Variants in CSMD1 observed in about 807,000 individuals in gnomAD.
CSMD1 encodes the protein CUB and sushi domain-containing protein 1.
CSMD1 carries 213 observed loss-of-function variants against 417.5 expected under a neutral mutation model. The observed-to-expected ratio is 0.51, with a 90% confidence interval of 0.46 to 0.57. CSMD1 has a LOEUF of 0.57. Among genes scored for constraint, CSMD1 ranks in the 20% least tolerant of loss-of-function variants. The pLI is 0.00. For synonymous variants in CSMD1, 2,862 were observed against 1,736.8 expected (o/e 1.65, Z -16.11); for missense variants, 6,923 against 4,529.7 (o/e 1.53, Z -15.17).
At chr8:3,151,769 G>A (rs895763381) in intron 39 of CSMD1, among the ~76,000 whole-genome samples, 1 of 152,154 alleles carries the variant, frequency 6.6e-6, no homozygotes, top group Non-Finnish European at 1.5e-5. Flanking sequence ...AAGGCTCCCA[G>A]TAAAGATGAG....
chr8:4,493,824 T>A (rs915417988), intron 2 of CSMD1, among the ~76,000 whole-genome samples: 6 of 152,224 alleles, frequency 3.9e-5, no homozygotes, highest in African/African-American at 1.4e-4. Context: ...GAGGACATCA[T>A]TCACAGCAGG....
chr8:4,923,596 C>A (rs1471275682), intron 1 of CSMD1, among the ~76,000 whole-genome samples: 1 of 135,378 alleles, frequency 7.4e-6, no homozygotes, highest in Admixed American at 7.2e-5. Context: ...GTGATAACCT[C>A]ATTGAGTTTA....
intron 2 of CSMD1, among the ~76,000 whole-genome samples, chr8:4,619,216 C>G (rs1263832474): frequency 2.0e-5 from 3 of 152,160 alleles, no homozygotes; most frequent in Non-Finnish European, 2.9e-5. Flanking sequence ...CCCACCACCA[C>G]CACCCCAAAT....
intron 2 of CSMD1, among the ~76,000 whole-genome samples, chr8:4,553,524 A>T (rs1243865175): frequency 3.3e-5 from 5 of 150,460 alleles, no homozygotes; most frequent in Middle Eastern, 3.2e-3. Flanking sequence ...AAGAGTTTTG[A>T]TGTTCTTTAT....
At chr8:4,616,204 G>A (rs1406153203) in intron 2 of CSMD1, among the ~76,000 whole-genome samples, 1 of 152,034 alleles carries the variant, frequency 6.6e-6, no homozygotes, top group African/African-American at 2.4e-5. Context: ...CTTTTTTGAA[G>A]TTCCGCACTT....
chr8:3,201,227 G>C (rs557482628), intron 32 of CSMD1, among the ~76,000 whole-genome samples: 21 of 152,248 alleles, frequency 1.4e-4, no homozygotes, highest in African/African-American at 3.4e-4. Flanking sequence ...TCTCTATGTA[G>C]GACTTACAGG....
intron 1 of CSMD1, among the ~76,000 whole-genome samples, chr8:4,790,820 A>G (rs960679450): frequency 6.6e-6 from 1 of 152,212 alleles, no homozygotes. Context: ...TTCACCATAT[A>G]AGAAAATCAA....
intron 3 of CSMD1, among the ~76,000 whole-genome samples, chr8:4,352,877 G>T (rs1008728402): frequency 6.6e-6 from 1 of 152,108 alleles, no homozygotes; most frequent in African/African-American, 2.4e-5. Context: ...TTGATCGTCA[G>T]CCATAATTAC....
At chr8:4,654,637 A>C (rs1453445890) in intron 1 of CSMD1, among the ~76,000 whole-genome samples, 3 of 152,144 alleles carry the variant, frequency 2.0e-5, no homozygotes, top group African/African-American at 7.3e-5. Context: ...AAATGGTTGA[A>C]GTCAGCTTAG....
intron 5 of CSMD1, among the ~76,000 whole-genome samples, chr8:3,971,987 G>C (rs1225677169): frequency 2.0e-5 from 3 of 151,952 alleles, no homozygotes; most frequent in Admixed American, 6.6e-5. Flanking sequence ...GCTCACTGCA[G>C]CCTTGACCTC....
chr8:3,133,582 G>C (rs1025674974), intron 41 of CSMD1, among the ~76,000 whole-genome samples: 1 of 152,196 alleles, frequency 6.6e-6, no homozygotes, highest in Non-Finnish European at 1.5e-5. Flanking sequence ...GGGGTTCTGA[G>C]GAGAAACCTA....
At chr8:4,841,748 TA>T (rs1198553205) in intron 1 of CSMD1, among the ~76,000 whole-genome samples, 1 of 151,334 alleles carries the variant, frequency 6.6e-6, no homozygotes, top group Non-Finnish European at 1.5e-5. Context: ...CTGTCTCTAC[TA>T]AAAATACAAA....
At chr8:4,294,762 T>C (rs908286894) in intron 3 of CSMD1, among the ~76,000 whole-genome samples, 7 of 152,126 alleles carry the variant, frequency 4.6e-5, no homozygotes, top group African/African-American at 1.7e-4. Flanking sequence ...TTTCTAAATT[T>C]ATTTGTAATA....
intron 3 of CSMD1, among the ~76,000 whole-genome samples, chr8:4,080,074 C>T (rs993209471): frequency 5.3e-5 from 8 of 151,402 alleles, no homozygotes; most frequent in African/African-American, 1.9e-4. Context: ...CATCTGACAA[C>T]AGTCTCTGTC....
intron 3 of CSMD1, among the ~76,000 whole-genome samples, chr8:4,227,286 C>T (rs1009924927): frequency 8.5e-5 from 13 of 152,110 alleles, no homozygotes; most frequent in African/African-American, 3.1e-4. Flanking sequence ...CATATCCCCT[C>T]GGTCTGCCTT....
intron 5 of CSMD1, among the ~76,000 whole-genome samples, chr8:3,903,693 C>T (rs1347495725): frequency 1.3e-5 from 2 of 152,112 alleles, no homozygotes; most frequent in East Asian, 1.9e-4. Context: ...TGTGATTACA[C>T]ATCAGATACA....
chr8:3,830,652 G>A (rs1400201745), intron 5 of CSMD1, among the ~76,000 whole-genome samples: 1 of 152,068 alleles, frequency 6.6e-6, no homozygotes, highest in African/African-American at 2.4e-5. Flanking sequence ...ATATCAATGT[G>A]CCTAGGAATT....
intron 2 of CSMD1, among the ~76,000 whole-genome samples, chr8:4,439,785 G>C (rs750173949): frequency 2.0e-5 from 3 of 152,154 alleles, no homozygotes; most frequent in Non-Finnish European, 4.4e-5. Flanking sequence ...CCTACAAATA[G>C]TGACTTTGAG....
At chr8:4,127,377 C>CCACG (rs1802825846) in intron 3 of CSMD1, among the ~76,000 whole-genome samples, 1 of 148,228 alleles carries the variant, frequency 6.7e-6, no homozygotes, top group Non-Finnish European at 1.5e-5. Flanking sequence ...CTTCAGCCAC[C>CCACG]TGAAAAAAAA....
Sources: allele counts gnomAD v4.1 joint callset (sites outside exome capture counted in the v4.1 genomes callset), GRCh38; gene constraint gnomAD v4.1.1; transcripts MANE v1.5; gene names NCBI Gene and HGNC (gene_info 2026-07-23, HGNC 2026-07-21).